The following TMEM108 variants were observed in gnomAD, a reference collection of about 807,000 sequenced individuals.
The protein encoded by TMEM108 is cancer/testis antigen 124.
Under a neutral mutation model 35.1 loss-of-function variants are expected in TMEM108, and 12 were observed. That is an observed-to-expected ratio of 0.34 (90% CI 0.22 to 0.55). TMEM108 has a LOEUF of 0.55. Ranked by LOEUF, TMEM108 falls within the 20% of genes least tolerant of loss-of-function variation. The pLI is 0.89. For synonymous variants in TMEM108, 287 were observed against 308.6 expected (o/e 0.93, Z 0.73); for missense variants, 680 against 753.3 (o/e 0.90, Z 1.14).
At chr3:133,317,935 G>A (rs1359075626) in intron 3 of TMEM108, among the ~76,000 whole-genome samples, 1 of 152,236 alleles carries the variant, frequency 6.6e-6, no homozygotes, top group Non-Finnish European at 1.5e-5. Context: ...TGTGTTGAAG[G>A]ATGGTGCTTC....
chr3:133,122,624 G>C (rs1944366996), intron 2 of TMEM108, among the ~76,000 whole-genome samples: 1 of 152,118 alleles, frequency 6.6e-6, no homozygotes, highest in African/African-American at 2.4e-5. Flanking sequence ...CCAGCACTTT[G>C]GGAGGCTGAG....
intron 5 of TMEM108, among the ~76,000 whole-genome samples, chr3:133,392,109 G>A (rs926875801): frequency 8.7e-5 from 13 of 149,322 alleles, no homozygotes; most frequent in African/African-American, 2.2e-4. Flanking sequence ...TCACTGGAGC[G>A]CCCCATCTCG....
At chr3:133,284,070 A>G (rs532173693) in intron 3 of TMEM108, among the ~76,000 whole-genome samples, 16 of 152,220 alleles carry the variant, frequency 1.1e-4, no homozygotes, top group South Asian at 2.1e-4. Flanking sequence ...TAGAGATTGC[A>G]TGGTGCTTCA....
Position 133,076,825 on chromosome 3 carries a change from G to A in TMEM108, c.-47+30805G>A, listed in dbSNP as rs1265977119. The stretch of plus-strand genomic sequence containing the variant: ...CCATGGGGCTCAGTCTCTTTGGGTT[G>A]CGCCACCTTTACAGGTTAGCTGGAG... On this transcript the variant is annotated intron_variant, in intron 2 of 5. Transcript: ENST00000321871. 2.0e-5 allele frequency among the ~76,000 whole-genome samples: 3 copies of A among 152,224 alleles called. No individual in the cohort carries two copies. In the South Asian group the frequency reaches 6.2e-4, roughly 31 times the overall value.
At chr3:133,328,813 A>G (rs976521729) in intron 3 of TMEM108, among the ~76,000 whole-genome samples, 6 of 152,152 alleles carry the variant, frequency 3.9e-5, no homozygotes, top group Admixed American at 1.3e-4. Flanking sequence ...ATAGGAATGA[A>G]CCCTGAACAA....
chr3:133,127,354 C>T (rs536493237), intron 2 of TMEM108, among the ~76,000 whole-genome samples: 34 of 152,334 alleles, frequency 2.2e-4, no homozygotes, highest in South Asian at 8.3e-4. Context: ...TGTTGGACAG[C>T]ACAGAAAGGA....
At chr3:133,305,593 T>C (rs2071023284) in intron 3 of TMEM108, among the ~76,000 whole-genome samples, 1 of 152,138 alleles carries the variant, frequency 6.6e-6, no homozygotes, top group South Asian at 2.1e-4. Context: ...ATGTTTTCAC[T>C]TCTCTTGAAT....
At chr3:133,076,174 A>G (rs927174487) in intron 2 of TMEM108, among the ~76,000 whole-genome samples, 9 of 151,970 alleles carry the variant, frequency 5.9e-5, no homozygotes, top group African/African-American at 2.2e-4. Flanking sequence ...TATACATTAA[A>G]TGTGGGCAAA....
chr3:133,096,553 T>C (rs1000126697), intron 2 of TMEM108, among the ~76,000 whole-genome samples: 2 of 152,196 alleles, frequency 1.3e-5, no homozygotes, highest in African/African-American at 4.8e-5. Flanking sequence ...CTTCAGATTA[T>C]ATGCTGAATG....
At chr3:133,270,697 G>A (rs573156419) in intron 3 of TMEM108, among the ~76,000 whole-genome samples, 1 of 152,132 alleles carries the variant, frequency 6.6e-6, no homozygotes, top group South Asian at 2.1e-4. Context: ...AGTCAAATAT[G>A]GCTGCAGCCT....
chr3:133,376,616 G>GGTGA (rs2072846968), intron 3 of TMEM108, among the ~76,000 whole-genome samples: 1 of 152,110 alleles, frequency 6.6e-6, no homozygotes, highest in Non-Finnish European at 1.5e-5. Flanking sequence ...GGAGCCTCTG[G>GGTGA]GTGAGTGTTC....
At position 133,038,430 on chromosome 3, in the gene TMEM108, C is replaced by T. The variant is rs1188697827; in HGVS notation, c.-171C>T. 1 of 152,350 alleles carries T rather than the reference C, an allele frequency of 6.6e-6. No homozygotes were observed. The highest frequency in any genetic ancestry group is 2.4e-5 in the African/African-American group (1 of 41,462). 9.4% of individuals were successfully genotyped at this position (152,350 alleles called of 1,614,324 possible). A position where few individuals can be genotyped will look rare whatever the true frequency, so the allele number is the denominator to read the frequency against. Reference sequence around the variant, plus strand: ...CGTCGGAGGGAGCCGGAGCGCTTCTCCCGAGGTAAGCGGCGCTCCGGGGCG... The same window carrying T: ...CGTCGGAGGGAGCCGGAGCGCTTCTTCCGAGGTAAGCGGCGCTCCGGGGCG... On this transcript the variant is annotated 5_prime_UTR_variant, in exon 1 of 6. Transcript: ENST00000321871.
At chr3:133,362,725 G>A (rs551984821) in intron 3 of TMEM108, among the ~76,000 whole-genome samples, 10 of 152,266 alleles carry the variant, frequency 6.6e-5, no homozygotes, top group Admixed American at 3.3e-4. Context: ...AGGCTGATCC[G>A]CTTGTCACAA....
intron 2 of TMEM108, among the ~76,000 whole-genome samples, chr3:133,227,244 GTGC>G (rs1946086628): frequency 1.5e-5 from 2 of 136,720 alleles, no homozygotes; most frequent in African/African-American, 2.7e-5. Context: ...CCAGGCTGGA[GTGC>G]AGTGGCGCAA....
At chr3:133,272,405 G>C (rs933302012) in intron 3 of TMEM108, among the ~76,000 whole-genome samples, 3 of 151,848 alleles carry the variant, frequency 2.0e-5, no homozygotes, top group Non-Finnish European at 2.9e-5. Flanking sequence ...GGTCATTACT[G>C]CAAAGAATCA....
intron 2 of TMEM108, among the ~76,000 whole-genome samples, chr3:133,134,412 C>G (rs985251069): frequency 1.3e-5 from 2 of 152,040 alleles, no homozygotes; most frequent in Non-Finnish European, 2.9e-5. Context: ...GTTTCTCCCT[C>G]TGGTGATGGA....
chr3:133,076,675 C>G (rs1272418858), intron 2 of TMEM108, among the ~76,000 whole-genome samples: 1 of 152,208 alleles, frequency 6.6e-6, no homozygotes, highest in Non-Finnish European at 1.5e-5. Context: ...AATATTAGAA[C>G]TGATTACCTT....
At chr3:133,220,853 A>G (rs1945979502) in intron 2 of TMEM108, among the ~76,000 whole-genome samples, 1 of 152,212 alleles carries the variant, frequency 6.6e-6, no homozygotes, top group South Asian at 2.1e-4. Context: ...GTAAATTGGG[A>G]CCACCACTAC....
At chr3:133,305,053 C>G (rs540564851) in intron 3 of TMEM108, among the ~76,000 whole-genome samples, 8 of 152,044 alleles carry the variant, frequency 5.3e-5, no homozygotes, top group African/African-American at 1.9e-4. Context: ...ACTGCACCCC[C>G]AGCCCAGGCA....
Sources: allele counts gnomAD v4.1 joint callset (sites outside exome capture counted in the v4.1 genomes callset), GRCh38; gene constraint gnomAD v4.1.1; transcripts MANE v1.5; gene names NCBI Gene and HGNC (gene_info 2026-07-23, HGNC 2026-07-21).